The following EPB41L4B variants were observed in gnomAD, a reference collection of about 807,000 sequenced individuals.
The protein encoded by EPB41L4B is erythrocyte membrane protein band 4.1 like 4B.
A neutral mutation model predicts 112.5 loss-of-function variants in EPB41L4B; 30 were observed. That is an observed-to-expected ratio of 0.27 (90% CI 0.20 to 0.36). The LOEUF is 0.36. Among genes scored for constraint, EPB41L4B ranks in the 10% least tolerant of loss-of-function variants. The probability of loss-of-function intolerance (pLI) is 1.00; values close to 1 mark genes in which losing one functional copy is unlikely to be tolerated. For synonymous variants in EPB41L4B, 408 were observed against 439.7 expected (o/e 0.93, Z 0.90); for missense variants, 1,024 against 1,133.3 (o/e 0.90, Z 1.38).
At chr9:109,226,115 C>T (rs1359536118) in intron 15 of EPB41L4B, among the ~76,000 whole-genome samples, 1 of 152,186 alleles carries the variant, frequency 6.6e-6, no homozygotes, top group Non-Finnish European at 1.5e-5. Context: ...TTCCTGAGTG[C>T]TCTCAGATCC....
At chr9:109,294,672 CTGTGTGTG>C (rs56261244) in intron 1 of EPB41L4B, among the ~76,000 whole-genome samples, 11,356 of 147,770 alleles carry the variant, frequency 0.077, 670 homozygotes, top group East Asian at 0.31. Context: ...GATATTGTGG[CTGTGTGTG>C]TGTGTGTGTG....
chr9:109,217,400 TTC>T (rs1249456350), intron 15 of EPB41L4B, among the ~76,000 whole-genome samples: 1 of 152,230 alleles, frequency 6.6e-6, no homozygotes, highest in Non-Finnish European at 1.5e-5. Flanking sequence ...TAATATTTAT[TTC>T]TTTTTTTTAA....
chr9:109,207,514 G>T (rs1401218532), intron 18 of EPB41L4B, among the ~76,000 whole-genome samples: 1 of 152,164 alleles, frequency 6.6e-6, no homozygotes, highest in Non-Finnish European at 1.5e-5. Context: ...TGAGGCTGCA[G>T]TGAGCCATGA....
chr9:109,257,639 G>A (rs989701254), intron 7 of EPB41L4B, among the ~76,000 whole-genome samples: 1 of 152,150 alleles, frequency 6.6e-6, no homozygotes, highest in Admixed American at 6.5e-5. Context: ...AAACAAATCA[G>A]AACCAGGCTC....
chr9:109,216,954 C>T lies in EPB41L4B; in HGVS notation c.1601G>A (p.Arg534Lys). The T allele has an allele frequency of 2.5e-6, 4 of 1,614,146 alleles. No individual in the cohort carries two copies. Among genetic ancestry groups the T allele is most frequent in the Non-Finnish European group, 3.4e-6 (4 of 1,180,008 alleles). ...GGACTTGCTGCTGGAGTTTGGGGAC[C>T]TCAGAGGCCCCTCTTTGTTCTCCAG... ...LTLENKEGPL[R>K]SPNSSSKSLT... The change falls in exon 16 of 26, where the codon AGG (arginine) becomes AAG (lysine). Residue 534 changes from arginine to lysine, a missense_variant. By Grantham distance (26) the Arg-to-Lys change is conservative (BLOSUM62 2). Transcript: ENST00000374566.
chr9:109,248,978 G>A (rs1834664078), intron 13 of EPB41L4B, among the ~76,000 whole-genome samples: 1 of 151,038 alleles, frequency 6.6e-6, no homozygotes, highest in Non-Finnish European at 1.5e-5. Flanking sequence ...AGAACGGCGT[G>A]AACCCGGGAG....
At chr9:109,197,172 C>G (rs1456053196) in intron 20 of EPB41L4B, among the ~76,000 whole-genome samples, 14 of 152,202 alleles carry the variant, frequency 9.2e-5, no homozygotes, top group Admixed American at 9.2e-4. Context: ...CCTGTAATCC[C>G]AGCACTTTGG....
intron 1 of EPB41L4B, 130 bp downstream of exon 1, chr9:109,320,011 G>C (rs1283409240): frequency 2.7e-6 from 2 of 751,102 alleles, no homozygotes; most frequent in Non-Finnish European, 3.7e-6. Context: ...AGGAGTGCTC[G>C]GAGAAGAGGA....
chr9:109,251,802 G>C (rs1271482785), intron 12 of EPB41L4B, among the ~76,000 whole-genome samples: 2 of 152,214 alleles, frequency 1.3e-5, no homozygotes, highest in African/African-American at 2.4e-5. Flanking sequence ...TCTAGAGACA[G>C]AGAAAGGCAG....
At chr9:109,296,593 G>C (rs951850659) in intron 1 of EPB41L4B, among the ~76,000 whole-genome samples, 10 of 152,144 alleles carry the variant, frequency 6.6e-5, no homozygotes, top group Non-Finnish European at 1.5e-4. Flanking sequence ...ATTTACAGAA[G>C]AGGGAGGTGA....
chr9:109,231,833 T>C (rs1016100140), intron 15 of EPB41L4B, among the ~76,000 whole-genome samples: 1 of 152,202 alleles, frequency 6.6e-6, no homozygotes, highest in Non-Finnish European at 1.5e-5. Flanking sequence ...CAGGTGTGCA[T>C]GTGTGTGCAG....
At chr9:109,215,804 A>G (rs1833342256) in intron 16 of EPB41L4B, among the ~76,000 whole-genome samples, 1 of 152,218 alleles carries the variant, frequency 6.6e-6, no homozygotes, top group Admixed American at 6.5e-5. Flanking sequence ...GATTTAAAAG[A>G]TATAAACTCA....
chr9:109,299,675 A>G (rs1196296512), intron 1 of EPB41L4B, among the ~76,000 whole-genome samples: 2 of 152,176 alleles, frequency 1.3e-5, no homozygotes, highest in East Asian at 3.9e-4. Flanking sequence ...AATTACCACA[A>G]GTGAATGTGC....
At chr9:109,186,154 C>A (rs150382331) in intron 22 of EPB41L4B, among the ~76,000 whole-genome samples, 3 of 152,036 alleles carry the variant, frequency 2.0e-5, no homozygotes, top group African/African-American at 7.2e-5. Flanking sequence ...CAGAGGGCAC[C>A]AGGAAAGAAA....
intron 12 of EPB41L4B, 33 bp downstream of exon 12, chr9:109,253,408 T>C: frequency 6.7e-7 from 1 of 1,503,498 alleles, no homozygotes; most frequent in South Asian, 1.1e-5. Flanking sequence ...AAGCATAATG[T>C]AAAATTCCAA....
chr9:109,284,087 AAAAAG>A (rs965236407), intron 1 of EPB41L4B, among the ~76,000 whole-genome samples: 1 of 152,192 alleles, frequency 6.6e-6, no homozygotes, highest in Non-Finnish European at 1.5e-5. Flanking sequence ...TGACTTAAAA[AAAAAG>A]AAAAGAAAAA....
intron 20 of EPB41L4B, among the ~76,000 whole-genome samples, chr9:109,197,348 AG>A (rs1832676260): frequency 6.6e-6 from 1 of 152,092 alleles, no homozygotes; most frequent in African/African-American, 2.4e-5. Flanking sequence ...ACTTGAACCT[AG>A]GGGGCGGAGG....
intron 19 of EPB41L4B, among the ~76,000 whole-genome samples, chr9:109,202,011 A>G (rs1286400921): frequency 1.3e-5 from 2 of 152,216 alleles, no homozygotes; most frequent in Non-Finnish European, 2.9e-5. Context: ...TGAGGGCTCA[A>G]GGTATAGACA....
chr9:109,181,043 ACT>A (rs1832033784), intron 24 of EPB41L4B, among the ~76,000 whole-genome samples: 1 of 152,060 alleles, frequency 6.6e-6, no homozygotes, highest in South Asian at 2.1e-4. Flanking sequence ...ACAGGGTCTC[ACT>A]CTGTTGCCCA....
Sources: allele counts gnomAD v4.1 joint callset (sites outside exome capture counted in the v4.1 genomes callset), GRCh38; gene constraint gnomAD v4.1.1; transcripts MANE v1.5; gene names NCBI Gene and HGNC (gene_info 2026-07-23, HGNC 2026-07-21).